The following ATRN variants were observed in gnomAD, a reference collection of about 807,000 sequenced individuals.
The protein encoded by ATRN is attractin.
A neutral mutation model predicts 178.7 loss-of-function variants in ATRN; 54 were observed. The ratio of observed to expected loss-of-function variants is 0.30; its 90% CI spans 0.24 to 0.38. The LOEUF (loss-of-function observed/expected upper bound fraction) is 0.38, where lower values mean the gene tolerates loss of function less well. ATRN is among the 10% of genes least tolerant of loss of function. The pLI, the probability that ATRN is intolerant of heterozygous loss-of-function variation, is 1.00. For synonymous variants in ATRN, 636 were observed against 663.0 expected (o/e 0.96, Z 0.63); for missense variants, 1,443 against 1,815.1 (o/e 0.79, Z 3.73).
intron 11 of ATRN, among the ~76,000 whole-genome samples, 185 bp from the exon 12 acceptor site, chr20:3,572,546 G>A (rs2078742537): frequency 6.6e-6 from 1 of 152,070 alleles, no homozygotes. Flanking sequence ...GCTGGATGTG[G>A]TGGTGTGTGC....
intron 25 of ATRN, among the ~76,000 whole-genome samples, chr20:3,626,832 G>A (rs1320876664): frequency 3.7e-5 from 5 of 135,310 alleles, no homozygotes; most frequent in Non-Finnish European, 7.6e-5. Context: ...ACCCAGGCCA[G>A]AGTGCAGTGT....
chr20:3,597,071 T>TATATATATATATATATATATATATATAA lies in ATRN; in HGVS notation c.3469+645_3469+646insTATATATATATATATATATATATAAATA, dbSNP rs11087589. ...GTGAATATGACTTCATATATATATA[T>TATATATATATATATATATATATATATAA]ATAAAACTTCTAAAAGAAAACAAGA... On this transcript the variant is annotated intron_variant, in intron 21 of 28. Coordinates refer to ENST00000262919, the MANE Select transcript of ATRN (RefSeq NM_139321.3). 2.9e-3 allele frequency among the ~76,000 whole-genome samples: 393 copies of TATATATATATATATATATATATATATAA among 133,972 alleles called. 10 individuals are homozygous for TATATATATATATATATATATATATATAA. Among genetic ancestry groups the TATATATATATATATATATATATATATAA allele is most frequent in the Middle Eastern group, 0.011 (3 of 270 alleles). The allele number at this position is 133,972 out of a possible 152,430, so 87.9% of individuals were successfully genotyped here. A position where few individuals can be genotyped will look rare whatever the true frequency, so the allele number is the denominator to read the frequency against.
intron 25 of ATRN, among the ~76,000 whole-genome samples, chr20:3,633,525 C>A (rs1288265478): frequency 6.6e-6 from 1 of 152,208 alleles, no homozygotes; most frequent in East Asian, 1.9e-4. Context: ...ACATGTAGCA[C>A]TCTGGAAAAA....
chr20:3,492,865 G>A (rs1335851867), intron 1 of ATRN, among the ~76,000 whole-genome samples: 10 of 121,330 alleles, frequency 8.2e-5, no homozygotes, highest in South Asian at 4.5e-4. Flanking sequence ...GCGCGCGCGC[G>A]CGTGCGCACG....
chr20:3,613,390 C>T (rs1177653796), intron 24 of ATRN, among the ~76,000 whole-genome samples: 2 of 152,142 alleles, frequency 1.3e-5, no homozygotes, highest in African/African-American at 4.8e-5. Context: ...TGGCTGTGCG[C>T]TATGTGGAGG....
At chr20:3,610,536 A>G (rs550179214) in intron 24 of ATRN, among the ~76,000 whole-genome samples, 2 of 150,394 alleles carry the variant, frequency 1.3e-5, no homozygotes, top group Non-Finnish European at 3.0e-5. Context: ...CTGGGATTAC[A>G]GGTGCACACC....
chr20:3,591,448 G>C (rs978468216), intron 19 of ATRN, 142 bp downstream of exon 19: 3 of 1,094,498 alleles, frequency 2.7e-6, no homozygotes, highest in Non-Finnish European at 3.8e-6. Flanking sequence ...CAGAAGCTCA[G>C]CTGAGCTGGA....
chr20:3,536,844 G>A (rs976295041), intron 2 of ATRN, among the ~76,000 whole-genome samples: 2 of 152,142 alleles, frequency 1.3e-5, no homozygotes, highest in Non-Finnish European at 2.9e-5. Context: ...TAATAGTACA[G>A]TATTTTAAAA....
At chr20:3,625,602 T>C (rs1164960173) in intron 25 of ATRN, among the ~76,000 whole-genome samples, 2 of 152,182 alleles carry the variant, frequency 1.3e-5, no homozygotes, top group African/African-American at 2.4e-5. Context: ...ATCATTGTAC[T>C]GTGACAGAAC....
chr20:3,486,142 AT>A (rs1474006147), intron 1 of ATRN, among the ~76,000 whole-genome samples: 1 of 151,934 alleles, frequency 6.6e-6, no homozygotes, highest in African/African-American at 2.4e-5. Context: ...TTCATAGGTA[AT>A]TTTTTTTCTT....
intron 18 of ATRN, among the ~76,000 whole-genome samples, chr20:3,589,018 T>C (rs1227730044): frequency 8.1e-6 from 1 of 122,702 alleles, no homozygotes; most frequent in South Asian, 3.1e-4. Flanking sequence ...AGTCTCACTC[T>C]TTCACCCAGT....
At chr20:3,630,377 A>G (rs1430570160) in intron 25 of ATRN, among the ~76,000 whole-genome samples, 1 of 152,184 alleles carries the variant, frequency 6.6e-6, no homozygotes, top group Non-Finnish European at 1.5e-5. Context: ...CAGCTTCAGC[A>G]TCTAGTACAT....
chr20:3,492,548 T>C (rs2084809460), intron 1 of ATRN, among the ~76,000 whole-genome samples: 1 of 152,010 alleles, frequency 6.6e-6, no homozygotes, highest in East Asian at 1.9e-4. Context: ...GTTTTTGAGC[T>C]TGGGGTAGAG....
rs942893225 is a variant in ATRN at position 3,535,237 on chromosome 20, T to G, written c.411-16T>G. 2 of 1,374,128 alleles carry G rather than the reference T, an allele frequency of 1.5e-6. No individual in the cohort carries two copies. The highest frequency in any genetic ancestry group is 3.0e-5 in the African/African-American group (2 of 66,790). The allele number at this position is 1,374,128 out of a possible 1,614,324, so 85.1% of individuals were successfully genotyped here. A position where few individuals can be genotyped will look rare whatever the true frequency, so the allele number is the denominator to read the frequency against. ...ATATAGCAGACTTAAGTTTTCTTTCTTGATTTAAATTACAGACTAACTGGA... is the reference window on the plus strand; with the variant it reads ...ATATAGCAGACTTAAGTTTTCTTTCGTGATTTAAATTACAGACTAACTGGA... On this transcript the variant is annotated splice_polypyrimidine_tract_variant and intron_variant, in intron 1 of 28. Coordinates refer to ENST00000262919, the MANE Select transcript of ATRN (RefSeq NM_139321.3).
chr20:3,572,671 A>G, intron 11 of ATRN, 60 bp from the exon 12 acceptor site: 3 of 1,401,820 alleles, frequency 2.1e-6, no homozygotes, highest in Non-Finnish European at 3.0e-6. Flanking sequence ...AAAAAAAAGT[A>G]TAGCATCCAA....
intron 13 of ATRN, among the ~76,000 whole-genome samples, chr20:3,576,614 T>C (rs1239783704): frequency 6.6e-6 from 1 of 152,144 alleles, no homozygotes; most frequent in East Asian, 1.9e-4. Flanking sequence ...GTTAAAAGCA[T>C]GTCCTTGAGC....
At chr20:3,507,775 C>T (rs1350700374) in intron 1 of ATRN, among the ~76,000 whole-genome samples, 2 of 150,434 alleles carry the variant, frequency 1.3e-5, no homozygotes, top group Non-Finnish European at 2.9e-5. Flanking sequence ...ACCTCCACCT[C>T]CCAGGTTCAA....
At chr20:3,495,952 A>G (rs2084873150) in intron 1 of ATRN, among the ~76,000 whole-genome samples, 1 of 152,258 alleles carries the variant, frequency 6.6e-6, no homozygotes, top group African/African-American at 2.4e-5. Context: ...TGGATAAAAC[A>G]GGGATGGAGG....
intron 25 of ATRN, among the ~76,000 whole-genome samples, chr20:3,633,229 G>T (rs922177159): frequency 6.6e-6 from 1 of 152,188 alleles, no homozygotes; most frequent in African/African-American, 2.4e-5. Flanking sequence ...GACGATCCTG[G>T]GGGGGTTGGA....
Sources: gnomAD v4.1 joint callset for allele counts (sites outside exome capture counted in the v4.1 genomes callset) on GRCh38, gnomAD v4.1.1 for gene constraint, MANE v1.5 for transcripts, NCBI Gene and HGNC (gene_info 2026-07-23, HGNC 2026-07-21) for gene names.